NLGN1: variants seen among roughly 807,000 people sequenced by gnomAD.
NLGN1 encodes the protein neuroligin 1.
In NLGN1, 12 loss-of-function variants were observed where a neutral mutation model predicts 65.5. That is an observed-to-expected ratio of 0.18 (90% CI 0.12 to 0.30). The LOEUF (loss-of-function observed/expected upper bound fraction) is 0.30. NLGN1 is among the 10% of genes least tolerant of loss of function. NLGN1 has a pLI of 1.00. For missense variants in NLGN1, 750 were observed against 1,007.1 expected, an observed-to-expected ratio of 0.74 and a Z score of 3.46; for synonymous variants, 350 against 359.5, an observed-to-expected ratio of 0.97 and a Z score of 0.30.
chr3:173,777,089 T>C (rs1780409841), intron 3 of NLGN1, among the ~76,000 whole-genome samples: 1 of 151,986 alleles, frequency 6.6e-6, no homozygotes, highest in Non-Finnish European at 1.5e-5. Flanking sequence ...ACGCAAGTTA[T>C]TTCATCTTTC....
chr3:173,505,562 G>A (rs1169989864), intron 2 of NLGN1, among the ~76,000 whole-genome samples: 1 of 152,018 alleles, frequency 6.6e-6, no homozygotes, highest in African/African-American at 2.4e-5. Context: ...AGTATATCAA[G>A]CTCCTTGGTA....
At chr3:173,735,937 A>G (rs1197590977) in intron 3 of NLGN1, among the ~76,000 whole-genome samples, 4 of 152,088 alleles carry the variant, frequency 2.6e-5, no homozygotes, top group African/African-American at 4.8e-5. Flanking sequence ...ATAAAAATAT[A>G]TATTTTATCT....
intron 3 of NLGN1, among the ~76,000 whole-genome samples, chr3:173,708,956 A>G (rs1436976479): frequency 6.6e-6 from 1 of 152,134 alleles, no homozygotes; most frequent in Non-Finnish European, 1.5e-5. Flanking sequence ...TCAAAACGTT[A>G]TTTCCGTGTG....
intron 4 of NLGN1, among the ~76,000 whole-genome samples, chr3:174,154,803 AG>A (rs1399550874): frequency 1.5e-5 from 2 of 136,116 alleles, no homozygotes; most frequent in Non-Finnish European, 1.5e-5. Flanking sequence ...TATATGTTGT[AG>A]ATAAAGATAT....
At chr3:174,120,219 G>A (rs28492697) in intron 4 of NLGN1, among the ~76,000 whole-genome samples, 9,843 of 152,214 alleles carry the variant, frequency 0.065, 433 homozygotes, top group African/African-American at 0.12. Context: ...CAGGTGTGGT[G>A]GCTCACGCCT....
intron 4 of NLGN1, among the ~76,000 whole-genome samples, chr3:174,122,466 T>A (rs1489479209): frequency 1.3e-5 from 2 of 152,206 alleles, no homozygotes; most frequent in Non-Finnish European, 2.9e-5. Context: ...CTCTGCTAGC[T>A]GAAAATCCAC....
At chr3:173,896,403 CTCCTT>C (rs1361615010) in intron 4 of NLGN1, among the ~76,000 whole-genome samples, 1 of 152,134 alleles carries the variant, frequency 6.6e-6, no homozygotes, top group Non-Finnish European at 1.5e-5. Flanking sequence ...AGTAGAGTCT[CTCCTT>C]TCAAATTGAG....
At chr3:173,808,161 G>T (rs1717073525) in intron 4 of NLGN1, among the ~76,000 whole-genome samples, 1 of 152,004 alleles carries the variant, frequency 6.6e-6, no homozygotes, top group African/African-American at 2.4e-5. Flanking sequence ...AATACTCTAA[G>T]TTTCCCTGAG....
intron 4 of NLGN1, among the ~76,000 whole-genome samples, chr3:174,227,016 A>G (rs184446267): frequency 1.3e-5 from 2 of 152,346 alleles, no homozygotes; most frequent in African/African-American, 4.8e-5. Context: ...TGATTCTAAT[A>G]TTAAACATAA....
chr3:174,231,444 A>G (rs1383186124), intron 4 of NLGN1, among the ~76,000 whole-genome samples: 4 of 152,194 alleles, frequency 2.6e-5, no homozygotes, highest in African/African-American at 9.7e-5. Context: ...TGAGTGGTTA[A>G]TGTACGGTCG....
chr3:173,635,365 C>A (rs142254380), intron 3 of NLGN1, among the ~76,000 whole-genome samples: 1 of 152,120 alleles, frequency 6.6e-6, no homozygotes, highest in South Asian at 2.1e-4. Context: ...TGCATTAATT[C>A]TCATTGGTTC....
chr3:174,208,275 T>TAA (rs1735805505), intron 4 of NLGN1, among the ~76,000 whole-genome samples: 1 of 152,204 alleles, frequency 6.6e-6, no homozygotes, highest in Non-Finnish European at 1.5e-5. Flanking sequence ...GTCAAACTTT[T>TAA]ATTTCACTTA....
At chr3:173,929,465 C>T (rs1376725133) in intron 4 of NLGN1, among the ~76,000 whole-genome samples, 1 of 151,456 alleles carries the variant, frequency 6.6e-6, no homozygotes, top group Admixed American at 6.6e-5. Flanking sequence ...GAAGTCAGAC[C>T]ACACACAGAG....
At chr3:173,809,159 A>G (rs1717343383) in intron 4 of NLGN1, among the ~76,000 whole-genome samples, 1 of 152,156 alleles carries the variant, frequency 6.6e-6, no homozygotes, top group African/African-American at 2.4e-5. Context: ...GAGTTCCTCC[A>G]TAGTGTCTAA....
intron 2 of NLGN1, among the ~76,000 whole-genome samples, chr3:173,491,123 A>C (rs1328847662): frequency 6.6e-6 from 1 of 151,866 alleles, no homozygotes; most frequent in African/African-American, 2.4e-5. Context: ...CAGAACTTCC[A>C]ACACTATGTT....
chr3:173,991,687 C>T (rs1398804714), intron 4 of NLGN1, among the ~76,000 whole-genome samples: 2 of 152,174 alleles, frequency 1.3e-5, no homozygotes, highest in African/African-American at 4.8e-5. Flanking sequence ...CTTCTTCTTT[C>T]ATACCTCATT....
intron 4 of NLGN1, among the ~76,000 whole-genome samples, chr3:174,171,138 C>T (rs1242021647): frequency 6.6e-6 from 1 of 152,064 alleles, no homozygotes; most frequent in East Asian, 1.9e-4. Context: ...TTCAAATGTA[C>T]AGTGATGTTA....
At chr3:173,511,404 T>A (rs1252173692) in intron 2 of NLGN1, among the ~76,000 whole-genome samples, 3 of 152,126 alleles carry the variant, frequency 2.0e-5, no homozygotes, top group Non-Finnish European at 1.5e-5. Flanking sequence ...CAAAGTCCAT[T>A]GTTAACATTA....
At chr3:173,415,904 T>TATATATAGAG (rs1380777305) in intron 1 of NLGN1, among the ~76,000 whole-genome samples, 73 of 125,452 alleles carry the variant, frequency 5.8e-4, no homozygotes, top group African/African-American at 2.1e-3. Flanking sequence ...TATATATATA[T>TATATATAGAG]AGAGAGAGAG....
Sources: gnomAD v4.1 joint callset for allele counts (sites outside exome capture counted in the v4.1 genomes callset) on GRCh38, gnomAD v4.1.1 for gene constraint, MANE v1.5 for transcripts, NCBI Gene and HGNC (gene_info 2026-07-23, HGNC 2026-07-21) for gene names.